MYH14: variants seen among roughly 807,000 people sequenced by gnomAD.
MYH14 encodes myosin heavy chain 14, also known as myosin-14.
Under a neutral mutation model 255.5 loss-of-function variants are expected in MYH14, and 123 were observed. The observed-to-expected ratio is 0.48, with a 90% CI of 0.42 to 0.56. The LOEUF (loss-of-function observed/expected upper bound fraction) is 0.56. Among genes scored for constraint, MYH14 ranks in the 20% least tolerant of loss-of-function variants. The probability of loss-of-function intolerance (pLI) is 0.00; values close to 1 mark genes in which losing one functional copy is unlikely to be tolerated. For synonymous variants in MYH14, 1,095 were observed against 1,161.2 expected (o/e 0.94, Z 1.16); for missense variants, 2,423 against 2,802.3 (o/e 0.86, Z 3.06).
rs538423958 is a variant in MYH14, at chr19:50,270,446, G to A, written c.3034-963G>A. ...GAGGCAGGAAAGTCACTTGAACCCC[G>A]GGAGGTGGAGATTGCAGTGAGCCAA... On this transcript the variant is annotated intron_variant, in intron 24 of 42. Transcript: ENST00000642316. Among the ~76,000 whole-genome samples, 95 of 150,262 alleles carry A rather than the reference G, an allele frequency of 6.3e-4. 1 individual carries two copies. Among genetic ancestry groups the A allele is most frequent in the African/African-American group, 2.3e-3 (94 of 40,902 alleles).
chr19:50,300,838 A>T (rs2036455020), intron 39 of MYH14, among the ~76,000 whole-genome samples: 2 of 152,150 alleles, frequency 1.3e-5, no homozygotes, highest in South Asian at 4.1e-4. Context: ...TGGGAGGATC[A>T]CTTAAGCTTG....
At chr19:50,298,150 A>G (rs1006586502) in intron 39 of MYH14, among the ~76,000 whole-genome samples, 4 of 152,124 alleles carry the variant, frequency 2.6e-5, no homozygotes, top group Admixed American at 1.3e-4. Flanking sequence ...TGATTGGACA[A>G]AAAGGGTCCG....
Position 50,261,633 on chromosome 19 carries a change from C to T in MYH14, c.2583C>T (p.Arg861=). The change falls in exon 21 of 43, where the codon CGC becomes CGT. Residue 861 remains arginine, a splice_region_variant and synonymous_variant. Transcript: ENST00000642316. ...CAGCTGCCCGGGGATACCTGGCTCGCAGGTGGGCAGCCACGCTGTCTCCCG... is the reference window on the plus strand; with the variant it reads ...CAGCTGCCCGGGGATACCTGGCTCGTAGGTGGGCAGCCACGCTGTCTCCCG... ...FQAAARGYLA[R]RAFQKRQQQQ... is the part of the protein sequence containing the mutation. 1 of 1,593,580 alleles carries T rather than the reference C, an allele frequency of 6.3e-7. No individual in the cohort carries two copies. Among genetic ancestry groups the T allele is most frequent in the South Asian group, 1.1e-5 (1 of 88,718 alleles).
In MYH14 at chr19:50,280,376, A is replaced by G. The variant is rs368069617; in HGVS notation, c.4283A>G (p.Gln1428Arg). 2.9e-4 allele frequency: 447 copies of G among 1,539,440 alleles called. 7 individuals are homozygous for G. In the South Asian group the frequency reaches 4.9e-3, roughly 17 times the overall value. The change falls in exon 32 of 43, where the codon CAG becomes CGG. Residue 1428 changes from glutamine (Q) to arginine (R), a missense_variant. Around this residue, in one of 3 missense-constraint regions of MYH14, gnomAD observed 1,513 missense variants for 1,674.8 expected, o/e 0.90. Transcript: ENST00000642316. This position sits in a 1 kb window ranked among gnomAD's most constrained non-coding sequence, Gnocchi z 4.8. ...GCGGGCCGTGAACTGCAGACTGCCC[A>G]GGCCCAGGTGAGCAGCCCTACGTAA... ...ERAGRELQTA[Q>R]AQLSEWRRRQ...
intron 1 of MYH14, among the ~76,000 whole-genome samples, chr19:50,207,312 A>AGAGAGAGAGAGAGAGAGAGAGAGG (rs1438345270): frequency 8.1e-5 from 12 of 148,356 alleles, no homozygotes; most frequent in South Asian, 4.3e-4. Flanking sequence ...AGAGAGAGAG[A>AGAGAGAGAGAGAGAGAGAGAGAGG]GACTAGGGGC....
chr19:50,209,970 C>T (rs1165203810), intron 1 of MYH14, among the ~76,000 whole-genome samples: 4 of 150,906 alleles, frequency 2.7e-5, no homozygotes, highest in African/African-American at 9.7e-5. Context: ...TGGTGGCAGA[C>T]GCCTGTAATC....
Position 50,213,098 on chromosome 19 carries a change from G to A in MYH14, c.405+2328G>A, listed in dbSNP as rs532669803. Among the ~76,000 whole-genome samples the A allele has an allele frequency of 4.6e-5, 7 of 151,982 alleles. No individual in the cohort carries two copies. In the South Asian group the frequency reaches 8.3e-4, roughly 18 times the overall value. Reference sequence around the variant, plus strand: ...CTCCTGAGTAGCTGGGACTACAGGCGCCTGCCACCAGGCCCAGCTAATTTT... The same window carrying A: ...CTCCTGAGTAGCTGGGACTACAGGCACCTGCCACCAGGCCCAGCTAATTTT... On this transcript the variant is annotated intron_variant, in intron 2 of 42. Coordinates refer to ENST00000642316, the MANE Select transcript of MYH14 (RefSeq NM_001145809.2).
At chr19:50,218,895 T>A (rs1341656108) in intron 3 of MYH14, among the ~76,000 whole-genome samples, 1 of 151,870 alleles carries the variant, frequency 6.6e-6, no homozygotes, top group Non-Finnish European at 1.5e-5. Context: ...TCACTTACAA[T>A]AATGGTCTCC....
intron 39 of MYH14, among the ~76,000 whole-genome samples, chr19:50,295,931 T>G (rs538748680): frequency 6.6e-5 from 10 of 151,844 alleles, no homozygotes; most frequent in Admixed American, 1.3e-4. Context: ...GCCAACATGG[T>G]GAAACCCCGT....
rs892015022 is a variant in MYH14 at position 50,271,480 on chromosome 19, G to A, written c.3105G>A (p.Glu1035=). 10 of 1,608,292 alleles carry A rather than the reference G, an allele frequency of 6.2e-6. No homozygotes were observed. Among genetic ancestry groups the A allele is most frequent in the Non-Finnish European group, 7.6e-6 (9 of 1,177,464 alleles). The stretch of plus-strand genomic sequence containing the variant: ...TGCAGCTGGAGAAGGTGACGACAGA[G>A]GCAAAAATGAAGAAATTTGAAGAGG... ...QKLQLEKVTT[E]AKMKKFEEDL... The change falls in exon 25 of 43, where the codon GAG becomes GAA. Residue 1035 remains glutamate (E), a synonymous_variant. Transcript: ENST00000642316.
At position 50,307,106 on chromosome 19, in the gene MYH14, G is replaced by C; in HGVS notation, c.5736G>C (p.Val1912=). ...VRRAEKRLKE[V]VLQVEEERRV... ...GAGCTGAGAAGCGGCTTAAAGAGGT[G>C]GTGCTCCAGGTGGAGGAGGAGCGGA... The change falls in exon 41 of 43, where the codon GTG becomes GTC. Residue 1912 remains valine, a synonymous_variant. Coordinates refer to ENST00000642316, the MANE Select transcript of MYH14 (RefSeq NM_001145809.2). 1.3e-6 allele frequency: 2 copies of C among 1,550,748 alleles called. No individual in the cohort carries two copies. The highest frequency in any genetic ancestry group is 2.7e-5 in the African/African-American group (2 of 73,160).
chr19:50,281,827 G>C lies in MYH14; in HGVS notation c.4524G>C (p.Gln1508His), dbSNP rs750304944. The C allele has an allele frequency of 6.2e-7, 1 of 1,611,466 alleles. No individual in the cohort carries two copies. Among genetic ancestry groups the C allele is most frequent in the Non-Finnish European group, 8.5e-7 (1 of 1,178,812 alleles). The change falls in exon 33 of 43, where the codon CAG (glutamine) becomes CAC (histidine). Residue 1508 changes from glutamine to histidine, a missense_variant. Transcript: ENST00000642316. ...TTGTGAGCACCCTGGAGAAGAAGCA[G>C]CGCAAGTTTGACCAGGTGGGGCACC... ...RQLVSTLEKK[Q>H]RKFDQLLAEE...
At chr19:50,294,932 T>C (rs2036210377) in intron 39 of MYH14, among the ~76,000 whole-genome samples, 1 of 150,974 alleles carries the variant, frequency 6.6e-6, no homozygotes, top group Admixed American at 6.6e-5. Context: ...TACTATGTCA[T>C]CTACTACGTC....
chr19:50,279,304 A>T (rs570101126), intron 30 of MYH14, among the ~76,000 whole-genome samples: 6 of 152,292 alleles, frequency 3.9e-5, no homozygotes, highest in Admixed American at 2.6e-4. Flanking sequence ...TCTGTGTTGC[A>T]GCTCGTAGCA....
intron 3 of MYH14, among the ~76,000 whole-genome samples, chr19:50,218,231 C>T (rs139258688): frequency 0.025 from 3,874 of 152,114 alleles, 153 homozygotes; most frequent in African/African-American, 0.087. Context: ...CTGCCCACCT[C>T]GGCCTTCCAA....
At chr19:50,292,199 T>G (rs1601040393) in intron 36 of MYH14, 62 bp from the exon 37 acceptor site, 3 of 1,478,406 alleles carry the variant, frequency 2.0e-6, no homozygotes, top group Admixed American at 4.9e-5. Flanking sequence ...GGCAAGGGGG[T>G]GGAGGAGTTC....
chr19:50,297,297 C>T (rs1187878661), intron 39 of MYH14, among the ~76,000 whole-genome samples: 1 of 151,680 alleles, frequency 6.6e-6, no homozygotes, highest in Non-Finnish European at 1.5e-5. Flanking sequence ...AATGTATTCT[C>T]TCGTGGTCCT....
chr19:50,235,615 AC>A (rs1384883186), intron 10 of MYH14, among the ~76,000 whole-genome samples: 1 of 149,958 alleles, frequency 6.7e-6, no homozygotes, highest in African/African-American at 2.5e-5. Context: ...CCCTGTCTCT[AC>A]TAAAAATTAA....
intron 2 of MYH14, 139 bp from the exon 3 acceptor site, chr19:50,217,476 A>G (rs2032541394): frequency 1.0e-6 from 1 of 1,002,294 alleles, no homozygotes; most frequent in African/African-American, 1.6e-5. Context: ...ACAAACATTC[A>G]AATCTACATT....
Sources: gnomAD v4.1 joint callset for allele counts (sites outside exome capture counted in the v4.1 genomes callset) on GRCh38, gnomAD v4.1.1 for gene constraint, gnomAD v4.1.1 regional missense constraint, Gnocchi (gnomAD v3.1) non-coding constraint, MANE v1.5 for transcripts, NCBI Gene and HGNC (gene_info 2026-07-23, HGNC 2026-07-21) for gene names.